The following COL21A1 variants were observed in gnomAD, a reference collection of about 807,000 sequenced individuals.
COL21A1 encodes the protein collagen type XXI alpha 1 chain.
In COL21A1, 149 loss-of-function variants were observed where a neutral mutation model predicts 137.9. The ratio of observed to expected loss-of-function variants is 1.08; its 90% CI spans 0.95 to 1.24. COL21A1 has a LOEUF of 1.24. Among genes scored for constraint, COL21A1 ranks in the 50% most tolerant of loss-of-function variants. The pLI is 0.00. For missense variants in COL21A1, 1,167 were observed against 1,158.4 expected, an observed-to-expected ratio of 1.01 and a Z score of -0.11; for synonymous variants, 456 against 391.5, an observed-to-expected ratio of 1.16 and a Z score of -1.95.
chr6:56,099,449 G>A (rs1368195441), intron 17 of COL21A1, among the ~76,000 whole-genome samples: 2 of 151,578 alleles, frequency 1.3e-5, no homozygotes, highest in Non-Finnish European at 2.9e-5. Flanking sequence ...TGTTAGCCAG[G>A]ATGGTCTCGA....
At chr6:56,287,621 A>G (rs773173506) in intron 1 of COL21A1, among the ~76,000 whole-genome samples, 120 of 152,026 alleles carry the variant, frequency 7.9e-4, no homozygotes, top group Non-Finnish European at 1.5e-3. Context: ...CTCCCCAGCC[A>G]TGCTTCCTGT....
intron 1 of COL21A1, among the ~76,000 whole-genome samples, chr6:56,235,414 T>A (rs1781837040): frequency 6.6e-6 from 1 of 151,904 alleles, no homozygotes; most frequent in African/African-American, 2.4e-5. Context: ...TGTTTAATAT[T>A]CTAAGCCTCA....
intron 1 of COL21A1, among the ~76,000 whole-genome samples, chr6:56,388,698 A>G (rs1267627226): frequency 6.6e-6 from 1 of 152,254 alleles, no homozygotes; most frequent in Non-Finnish European, 1.5e-5. Flanking sequence ...CTGCAAAGAT[A>G]GAAATAAATA....
intron 16 of COL21A1, among the ~76,000 whole-genome samples, chr6:56,111,398 A>C (rs1265022026): frequency 6.6e-6 from 1 of 152,206 alleles, no homozygotes; most frequent in African/African-American, 2.4e-5. Flanking sequence ...AAACTAATGA[A>C]ACCCAAATAA....
chr6:56,298,802 TTCTC>T (rs1183606331), intron 1 of COL21A1, among the ~76,000 whole-genome samples: 1 of 152,084 alleles, frequency 6.6e-6, no homozygotes, highest in African/African-American at 2.4e-5. Context: ...CCAATTTCCT[TTCTC>T]TCTATTTAAT....
chr6:56,085,429 C>A (rs534251222), intron 17 of COL21A1, among the ~76,000 whole-genome samples: 4 of 152,044 alleles, frequency 2.6e-5, no homozygotes, highest in Admixed American at 6.6e-5. Context: ...GCAAAGGAAA[C>A]CGAACCCATT....
At chr6:56,156,106 A>C (rs974223414) in intron 10 of COL21A1, among the ~76,000 whole-genome samples, 16 of 152,232 alleles carry the variant, frequency 1.1e-4, no homozygotes, top group African/African-American at 3.9e-4. Context: ...TACCTTTAAA[A>C]GTGTTTTTAA....
chr6:56,078,210 ATTAATG>A (rs1767414986), intron 17 of COL21A1: 1 of 455,664 alleles, frequency 2.2e-6, no homozygotes, highest in African/African-American at 2.0e-5. Context: ...TTCAGAAAAA[ATTAATG>A]TTAATTCTAT....
chr6:56,367,003 G>C (rs1017221246), intron 1 of COL21A1, among the ~76,000 whole-genome samples: 1 of 152,118 alleles, frequency 6.6e-6, no homozygotes, highest in African/African-American at 2.4e-5. Flanking sequence ...TTCAGAGTTA[G>C]ACCTTTACTA....
chr6:56,239,963 T>C (rs1782174765), intron 1 of COL21A1, among the ~76,000 whole-genome samples: 1 of 152,112 alleles, frequency 6.6e-6, no homozygotes, highest in African/African-American at 2.4e-5. Context: ...TGGGAGATAA[T>C]TGAATCATGG....
intron 1 of COL21A1, among the ~76,000 whole-genome samples, chr6:56,185,839 C>A (rs1778255250): frequency 6.6e-6 from 1 of 152,076 alleles, no homozygotes; most frequent in Non-Finnish European, 1.5e-5. Flanking sequence ...AACTCCTGGT[C>A]CAGATAGCTT....
intron 16 of COL21A1, among the ~76,000 whole-genome samples, chr6:56,105,876 C>A (rs1217558572): frequency 6.6e-6 from 1 of 152,132 alleles, no homozygotes; most frequent in African/African-American, 2.4e-5. Context: ...AGCTTAAATA[C>A]CACATTTAAT....
chr6:56,359,688 T>C (rs1765922611), intron 1 of COL21A1, among the ~76,000 whole-genome samples: 1 of 152,194 alleles, frequency 6.6e-6, no homozygotes, highest in Non-Finnish European at 1.5e-5. Flanking sequence ...GATTGATATA[T>C]TAATGGAGGA....
chr6:56,157,032 A>C, intron 9 of COL21A1, 83 bp from the exon 10 acceptor site: 2 of 881,488 alleles, frequency 2.3e-6, no homozygotes, highest in Non-Finnish European at 3.5e-6. Context: ...TTCAAAACCA[A>C]TTCCATTATT....
At chr6:56,276,021 CCA>C (rs1342705750) in intron 1 of COL21A1, among the ~76,000 whole-genome samples, 1 of 152,186 alleles carries the variant, frequency 6.6e-6, no homozygotes, top group Non-Finnish European at 1.5e-5. Flanking sequence ...TATATACACA[CCA>C]CAGAATCCTA....
rs201068767 is a variant in COL21A1, at chr6:56,085,140, G to T, written c.1813-7567C>A. ...TAGAACTTTTCTAAAACAAAAAATG[G>T]TAATATATTAGATCTATAATTACAG... On this transcript the variant is annotated intron_variant, in intron 17 of 29. Transcript: ENST00000244728. 3.3e-5 allele frequency among the ~76,000 whole-genome samples: 5 copies of T among 151,862 alleles called. No individual in the cohort carries two copies. In the East Asian group the frequency reaches 9.7e-4, roughly 29 times the overall value.
chr6:56,338,939 A>G (rs573161875), intron 1 of COL21A1, among the ~76,000 whole-genome samples: 1 of 152,284 alleles, frequency 6.6e-6, no homozygotes, highest in South Asian at 2.1e-4. Context: ...CCCTAAAAAG[A>G]CTGCTTAGCA....
At chr6:56,370,667 C>A (rs1766219067) in intron 1 of COL21A1, among the ~76,000 whole-genome samples, 1 of 152,178 alleles carries the variant, frequency 6.6e-6, no homozygotes, top group African/African-American at 2.4e-5. Flanking sequence ...AGAGTTCTTG[C>A]CAAAACATGA....
chr6:56,319,245 CAGA>C (rs1424899824), intron 1 of COL21A1, among the ~76,000 whole-genome samples: 16 of 152,082 alleles, frequency 1.1e-4, no homozygotes, highest in African/African-American at 3.9e-4. Flanking sequence ...ATTTTGCATG[CAGA>C]AGTTTTCACA....
Sources: gnomAD v4.1 joint callset for allele counts (sites outside exome capture counted in the v4.1 genomes callset) on GRCh38, gnomAD v4.1.1 for gene constraint, MANE v1.5 for transcripts, NCBI Gene and HGNC (gene_info 2026-07-23, HGNC 2026-07-21) for gene names.